The following MACROD2 variants were observed in gnomAD, a reference collection of about 807,000 sequenced individuals.
MACROD2 encodes the protein mono-ADP ribosylhydrolase 2.
In MACROD2, 36 loss-of-function variants were observed where a neutral mutation model predicts 70.4. That is an observed-to-expected ratio of 0.51 (90% CI 0.39 to 0.68). The LOEUF (loss-of-function observed/expected upper bound fraction) is 0.68. Ranked by LOEUF, MACROD2 falls within the 30% of genes least tolerant of loss-of-function variation. The pLI is 0.00. For missense variants in MACROD2, 496 were observed against 538.4 expected (o/e 0.92, Z 0.78); for synonymous variants, 172 against 178.8 (o/e 0.96, Z 0.30).
chr20:14,226,434 C>T (rs1032156741), intron 3 of MACROD2, among the ~76,000 whole-genome samples: 2 of 152,202 alleles, frequency 1.3e-5, no homozygotes, highest in South Asian at 2.1e-4. Flanking sequence ...TTCAGCCCAC[C>T]GCTGCACTGT....
At chr20:15,552,933 C>G (rs1465045403) in intron 8 of MACROD2, 3 of 152,194 alleles carry the variant, frequency 2.0e-5, no homozygotes, top group Non-Finnish European at 2.9e-5. Context: ...TTCCTGGGAT[C>G]ATCCCAAATA....
chr20:16,025,358 G>A (rs2067062986), intron 15 of MACROD2, among the ~76,000 whole-genome samples: 1 of 152,196 alleles, frequency 6.6e-6, no homozygotes, highest in Non-Finnish European at 1.5e-5. Flanking sequence ...CAAACAGAGG[G>A]CAAAGAACAT....
chr20:14,342,014 G>A (rs1232066588), intron 3 of MACROD2, among the ~76,000 whole-genome samples: 2 of 152,096 alleles, frequency 1.3e-5, no homozygotes, highest in East Asian at 1.9e-4. Context: ...GGAGAGAAGC[G>A]TCCTCCAAAA....
chr20:15,843,330 G>A lies in MACROD2; in HGVS notation c.646-19415G>A, dbSNP rs145511738. On this transcript the variant is annotated intron_variant, in intron 8 of 17. Transcript: ENST00000684519. Reference sequence around the variant, plus strand: ...GTTATTTAGGTAAAGTGTGACTACCGCTTTTTGTAAATGTGCACTGTGAGC... The same window carrying A: ...GTTATTTAGGTAAAGTGTGACTACCACTTTTTGTAAATGTGCACTGTGAGC... 7.1e-4 allele frequency among the ~76,000 whole-genome samples: 108 copies of A among 152,228 alleles called. No homozygotes were observed. The East Asian group carries it at 0.02, about 27-fold the overall frequency.
chr20:14,882,388 A>G (rs1004025024), intron 5 of MACROD2, among the ~76,000 whole-genome samples: 2 of 152,158 alleles, frequency 1.3e-5, no homozygotes, highest in East Asian at 1.9e-4. Context: ...TACATGTGTC[A>G]TCTCTCAACC....
At chr20:15,653,897 C>CT (rs1205346056) in intron 8 of MACROD2, among the ~76,000 whole-genome samples, 4 of 152,050 alleles carry the variant, frequency 2.6e-5, no homozygotes, top group Non-Finnish European at 5.9e-5. Context: ...TAGGCCAGCT[C>CT]TTTTCTAGGC....
chr20:15,974,449 A>G (rs981653531), intron 13 of MACROD2, among the ~76,000 whole-genome samples: 2 of 152,192 alleles, frequency 1.3e-5, no homozygotes, highest in Non-Finnish European at 2.9e-5. Flanking sequence ...GAATCCAATT[A>G]TATGACATTC....
intron 15 of MACROD2, among the ~76,000 whole-genome samples, chr20:16,019,541 G>T (rs553294727): frequency 3.0e-4 from 46 of 152,310 alleles, no homozygotes; most frequent in African/African-American, 1.1e-3. Context: ...GTTCTGAGTT[G>T]GAGGGAGGTG....
chr20:14,766,366 T>C (rs949568598), intron 5 of MACROD2, among the ~76,000 whole-genome samples: 1 of 152,064 alleles, frequency 6.6e-6, no homozygotes, highest in Admixed American at 6.5e-5. Context: ...TGACTATTAT[T>C]AGCTGAAAAA....
chr20:15,180,159 A>G (rs753540788), intron 5 of MACROD2, among the ~76,000 whole-genome samples: 1 of 152,136 alleles, frequency 6.6e-6, no homozygotes, highest in Non-Finnish European at 1.5e-5. Context: ...TGAAGGCCCT[A>G]TCTCCATATA....
At chr20:15,071,974 T>A (rs898563646) in intron 5 of MACROD2, among the ~76,000 whole-genome samples, 1 of 152,140 alleles carries the variant, frequency 6.6e-6, no homozygotes, top group Non-Finnish European at 1.5e-5. Flanking sequence ...AAAAATTTTT[T>A]AAGGGGGAAA....
intron 13 of MACROD2, among the ~76,000 whole-genome samples, chr20:15,979,804 GA>G: frequency 6.6e-6 from 1 of 152,258 alleles, no homozygotes; most frequent in Admixed American, 6.5e-5. Context: ...AAGTAATCAA[GA>G]GTTGGCTGAA....
At chr20:16,004,251 T>G (rs2066756149) in intron 15 of MACROD2, among the ~76,000 whole-genome samples, 1 of 152,140 alleles carries the variant, frequency 6.6e-6, no homozygotes, top group Non-Finnish European at 1.5e-5. Flanking sequence ...ATGCCCTCTT[T>G]GTGGTCATTG....
chr20:14,730,955 C>T (rs1457508422), intron 5 of MACROD2, among the ~76,000 whole-genome samples: 3 of 150,732 alleles, frequency 2.0e-5, no homozygotes, highest in East Asian at 1.9e-4. Flanking sequence ...TAGAAATTAG[C>T]TGTGTATTGC....
At chr20:14,097,590 T>C (rs1327635771) in intron 3 of MACROD2, among the ~76,000 whole-genome samples, 1 of 152,218 alleles carries the variant, frequency 6.6e-6, no homozygotes, top group East Asian at 1.9e-4. Context: ...TAAATATGCC[T>C]ATTCAACTTC....
At chr20:14,083,473 C>A (rs1601200998) in intron 2 of MACROD2, among the ~76,000 whole-genome samples, 1 of 151,668 alleles carries the variant, frequency 6.6e-6, no homozygotes, top group East Asian at 1.9e-4. Context: ...ATGAGGCAAA[C>A]ATTCTAAGTG....
intron 4 of MACROD2, among the ~76,000 whole-genome samples, chr20:14,607,644 G>A (rs774592879): frequency 1.4e-4 from 21 of 152,106 alleles, no homozygotes; most frequent in Non-Finnish European, 2.6e-4. Context: ...TTCCATTAAC[G>A]ATACTTAATA....
At chr20:15,822,255 G>A (rs556663166) in intron 8 of MACROD2, among the ~76,000 whole-genome samples, 8 of 152,020 alleles carry the variant, frequency 5.3e-5, no homozygotes, top group African/African-American at 9.7e-5. Context: ...CCTTTGTGGC[G>A]TACACTTACC....
intron 4 of MACROD2, among the ~76,000 whole-genome samples, chr20:14,553,192 ATT>A (rs201046281): frequency 1.4e-4 from 21 of 148,436 alleles, no homozygotes; most frequent in African/African-American, 4.9e-4. Context: ...TTTTTACTTA[ATT>A]TTTTTTTGTT....
Sources: gnomAD v4.1 joint callset for allele counts (sites outside exome capture counted in the v4.1 genomes callset) on GRCh38, gnomAD v4.1.1 for gene constraint, MANE v1.5 for transcripts, NCBI Gene and HGNC (gene_info 2026-07-23, HGNC 2026-07-21) for gene names.